VIPR1: variants seen among roughly 807,000 people sequenced by gnomAD.
VIPR1 encodes vasoactive intestinal peptide receptor 1.
Under a neutral mutation model 58.8 loss-of-function variants are expected in VIPR1, and 59 were observed. The ratio of observed to expected loss-of-function variants is 1.00; its 90% CI spans 0.81 to 1.25. VIPR1 has a LOEUF of 1.25. VIPR1 is among the 50% of genes most tolerant of loss of function. The pLI is 0.00. For synonymous variants in VIPR1, 251 were observed against 242.1 expected (o/e 1.04, Z -0.34); for missense variants, 626 against 602.7 (o/e 1.04, Z -0.40).
Position 42,536,622 on chromosome 3 carries a change from C to T in VIPR1, c.*341C>T, listed in dbSNP as rs1434134795. 4.5e-6 allele frequency: 1 copy of T among 224,680 alleles called. No homozygotes were observed. The highest frequency in any genetic ancestry group is 8.6e-6 in the Non-Finnish European group (1 of 116,366). The allele number at this position is 224,680 out of a possible 1,614,324, so 13.9% of individuals were successfully genotyped here. On this transcript the variant is annotated 3_prime_UTR_variant, in exon 13 of 13. Coordinates refer to ENST00000325123, the MANE Select transcript of VIPR1 (RefSeq NM_004624.4). The stretch of plus-strand genomic sequence containing the variant: ...CTCTGCCCCCTGCTGGCTCTTCTGC[C>T]CAATTGGAGGAAAGCAACCGGTGGA...
intron 1 of VIPR1, chr3:42,512,899 T>C: frequency 1.0e-6 from 1 of 985,506 alleles, no homozygotes; most frequent in Non-Finnish European, 1.2e-6. Context: ...GACCTGTTTT[T>C]TCTGGCTATT....
intron 6 of VIPR1, chr3:42,529,771 G>A (rs1384236239): frequency 6.6e-6 from 1 of 152,206 alleles, no homozygotes; most frequent in Admixed American, 6.5e-5. Context: ...GGGACTTTCT[G>A]GGAGGGGACA....
chr3:42,525,790 G>T, intron 3 of VIPR1, 97 bp from the exon 4 acceptor site: 1 of 1,275,130 alleles, frequency 7.8e-7, no homozygotes, highest in Non-Finnish European at 1.1e-6. Context: ...GGGTTGGTGG[G>T]AGTAGGGCTG....
upstream of VIPR1, among the ~76,000 whole-genome samples, chr3:42,498,482 C>T (rs568955070): frequency 3.3e-5 from 5 of 152,302 alleles, no homozygotes; most frequent in East Asian, 5.8e-4. Flanking sequence ...ACTCCTAACT[C>T]CACCTTAGCA....
chr3:42,512,925 C>A (rs915430183), intron 1 of VIPR1: 6 of 985,422 alleles, frequency 6.1e-6, no homozygotes, highest in East Asian at 1.1e-4. Context: ...ACAGCCATCA[C>A]CCCCACTCAC....
chr3:42,504,805 C>T (rs898455012), intron 1 of VIPR1, among the ~76,000 whole-genome samples: 2 of 147,954 alleles, frequency 1.4e-5, no homozygotes, highest in Non-Finnish European at 1.5e-5. Flanking sequence ...CATAAAATGG[C>T]AGCTGCAAAG....
chr3:42,520,180 A>G (rs1254394523), intron 3 of VIPR1, among the ~76,000 whole-genome samples: 2 of 152,168 alleles, frequency 1.3e-5, no homozygotes. Flanking sequence ...AGCCCGTGGA[A>G]CAAGCATCCA....
intron 10 of VIPR1, chr3:42,532,830 A>T (rs1701642038): frequency 5.7e-6 from 1 of 174,592 alleles, no homozygotes; most frequent in Non-Finnish European, 1.2e-5. Flanking sequence ...ATTTCCATGC[A>T]TCATGTCATT....
At chr3:42,530,630 A>G in intron 6 of VIPR1, 149 bp from the exon 7 acceptor site, 1 of 912,490 alleles carries the variant, frequency 1.1e-6, no homozygotes, top group Non-Finnish European at 1.6e-6. Flanking sequence ...GGGAAAACCA[A>G]TGAGTACATT....
chr3:42,533,304 A>G (rs1348647887), intron 10 of VIPR1: 1 of 151,722 alleles, frequency 6.6e-6, no homozygotes, highest in Non-Finnish European at 1.5e-5. Flanking sequence ...TTAGGATTCT[A>G]TTCTGGAATC....
chr3:42,517,693 G>T (rs928636706), intron 2 of VIPR1, among the ~76,000 whole-genome samples: 1 of 152,232 alleles, frequency 6.6e-6, no homozygotes, highest in African/African-American at 2.4e-5. Flanking sequence ...CTAGGTGCGG[G>T]CTGGGCACGG....
rs769129793 is a variant in VIPR1, at chr3:42,525,977, C to G, written c.383C>G (p.Ala128Gly). 5.0e-6 allele frequency: 8 copies of G among 1,612,752 alleles called. No individual in the cohort carries two copies. The African/African-American group carries it at 1.1e-4, about 22-fold the overall frequency. ...YPIACGLDDK[A>G]ASLDEQQTMF... Reference sequence around the variant, plus strand: ...ATTGCCTGTGGTTTGGATGACAAGGCAGCGAGTTTGGATGAGGTGGGTCTC... The same window carrying G: ...ATTGCCTGTGGTTTGGATGACAAGGGAGCGAGTTTGGATGAGGTGGGTCTC... The change falls in exon 4 of 13, where the codon GCA becomes GGA. Residue 128 changes from alanine to glycine, a missense_variant. Coordinates refer to ENST00000325123, the MANE Select transcript of VIPR1 (RefSeq NM_004624.4).
chr3:42,510,945 G>A (rs902168484), intron 1 of VIPR1, among the ~76,000 whole-genome samples: 2 of 152,112 alleles, frequency 1.3e-5, no homozygotes, highest in African/African-American at 4.8e-5. Context: ...TGGTGATTGG[G>A]AAACAAATAT....
upstream of VIPR1, among the ~76,000 whole-genome samples, chr3:42,497,858 CT>C (rs1699796046): frequency 6.6e-6 from 1 of 152,198 alleles, no homozygotes; most frequent in Non-Finnish European, 1.5e-5. Flanking sequence ...CACTAAACCT[CT>C]TTTTCTTTAT....
chr3:42,512,985 CTGATCCCTGGCCAG>C (rs1256828815), intron 1 of VIPR1: 111 of 975,648 alleles, frequency 1.1e-4, no homozygotes, highest in Non-Finnish European at 1.3e-4. Flanking sequence ...TGGCCCACCC[CTGATCCCTGGCCAG>C]GGTACAGGGA....
intron 11 of VIPR1, 33 bp from the exon 12 acceptor site, chr3:42,535,310 C>G (rs200949015): frequency 6.9e-5 from 111 of 1,613,422 alleles, no homozygotes; most frequent in Non-Finnish European, 9.2e-5. Context: ...TCTGGTCTGT[C>G]TACCTCACCT....
chr3:42,516,280 G>A (rs1313863593), intron 2 of VIPR1, among the ~76,000 whole-genome samples: 1 of 152,158 alleles, frequency 6.6e-6, no homozygotes, highest in Non-Finnish European at 1.5e-5. Flanking sequence ...CCTCATTAGG[G>A]CAGGCACACA....
At chr3:42,526,237 C>T (rs2239500) in intron 4 of VIPR1, among the ~76,000 whole-genome samples, 22,692 of 152,268 alleles carry the variant, frequency 0.15, 1,901 homozygotes, top group East Asian at 0.35. Context: ...TGAAGCAGCT[C>T]CCCCAGGCTG....
chr3:42,525,930 C>G lies in VIPR1; in HGVS notation c.336C>G (p.His112Gln). The G allele has an allele frequency of 6.2e-7, 1 of 1,613,682 alleles. No individual in the cohort carries two copies. The highest frequency in any genetic ancestry group is 8.5e-7 in the Non-Finnish European group (1 of 1,179,852). ...GCTGCACCGACGAAGGCTGGACGCA[C>G]CTGGAGCCTGGCCCGTACCCCATTG... is the stretch of plus-strand genomic sequence containing the variant. ...SRSCTDEGWT[H>Q]LEPGPYPIAC... The change falls in exon 4 of 13, where the codon CAC becomes CAG. Residue 112 changes from histidine to glutamine, a missense_variant. Transcript: ENST00000325123.
Sources: allele counts gnomAD v4.1 joint callset (sites outside exome capture counted in the v4.1 genomes callset), GRCh38; gene constraint gnomAD v4.1.1; transcripts MANE v1.5; gene names NCBI Gene and HGNC (gene_info 2026-07-23, HGNC 2026-07-21).